Variants in HNF1A observed in about 807,000 individuals in gnomAD.
HNF1A encodes HNF1 homeobox A.
HNF1A carries 21 observed loss-of-function variants against 62.2 expected under a neutral mutation model. That is an observed-to-expected ratio of 0.34 (90% CI 0.24 to 0.49). HNF1A has a LOEUF of 0.49. Among genes scored for constraint, HNF1A ranks in the 20% least tolerant of loss-of-function variants. The pLI, the probability that HNF1A is intolerant of heterozygous loss-of-function variation, is 0.99. For synonymous variants in HNF1A, 374 were observed against 366.8 expected, an observed-to-expected ratio of 1.02 and a Z score of -0.22; for missense variants, 687 against 832.3, an observed-to-expected ratio of 0.83 and a Z score of 2.15.
At chr12:120,999,170 T>A in intron 7 of HNF1A, 98 bp from the exon 8 acceptor site, 1 of 1,446,100 alleles carries the variant, frequency 6.9e-7, no homozygotes, top group Non-Finnish European at 9.7e-7. Context: ...GTCTGGCTGT[T>A]CAGCAGGCCC....
chr12:120,981,665 C>T lies in HNF1A; in HGVS notation c.326+2571C>T, dbSNP rs575544559. Reference sequence around the variant, plus strand: ...CAGATCTTCCCATGGCCGATTCCTTCTCCTTCAGCTCCCTGATTGCTCCAT... The same window carrying T: ...CAGATCTTCCCATGGCCGATTCCTTTTCCTTCAGCTCCCTGATTGCTCCAT... On this transcript the variant is annotated intron_variant, in intron 1 of 9. Coordinates refer to ENST00000257555, the MANE Select transcript of HNF1A (RefSeq NM_000545.8). 2.6e-5 allele frequency among the ~76,000 whole-genome samples: 4 copies of T among 152,324 alleles called. No individual in the cohort carries two copies. The South Asian group carries it at 8.3e-4, about 32-fold the overall frequency.
At chr12:120,987,598 ATAT>A (rs1385856126) in intron 1 of HNF1A, among the ~76,000 whole-genome samples, 6 of 150,650 alleles carry the variant, frequency 4.0e-5, no homozygotes, top group Non-Finnish European at 8.9e-5. Flanking sequence ...AAATATATAT[ATAT>A]ATATATACAC....
At chr12:120,980,553 T>C (rs1169287) in intron 1 of HNF1A, 142,948 of 152,026 alleles carry the variant, frequency 0.94, 67,560 homozygotes, top group East Asian at 1. Flanking sequence ...GAAGGCAACC[T>C]GACGGGGTGG....
At chr12:120,995,082 A>G (rs1400810949) in intron 4 of HNF1A, among the ~76,000 whole-genome samples, 1 of 145,834 alleles carries the variant, frequency 6.9e-6, no homozygotes, top group African/African-American at 2.6e-5. Context: ...TACTACATTC[A>G]ACTCCACTCC....
chr12:120,995,605 C>T (rs1297299532), intron 4 of HNF1A, among the ~76,000 whole-genome samples: 3 of 151,852 alleles, frequency 2.0e-5, no homozygotes, highest in Non-Finnish European at 4.4e-5. Flanking sequence ...CACTCCAACC[C>T]ACTCACTCCA....
Position 121,001,080 on chromosome 12 carries a change from TG to T in HNF1A, c.1786del (p.Val596CysfsTer64), listed in dbSNP as rs2135854461. 1 of 1,613,618 alleles carries T rather than the reference TG, an allele frequency of 6.2e-7. No homozygotes were observed. The highest frequency in any genetic ancestry group is 8.5e-7 in the Non-Finnish European group (1 of 1,179,878). On this transcript the variant is annotated frameshift_variant, in exon 10 of 10. Coordinates refer to ENST00000257555, the MANE Select transcript of HNF1A (RefSeq NM_000545.8). LOFTEE classifies it high-confidence loss of function. ...SASPTVSSSS[L>X]VLYQSSDSSN... ...GCCTCTGCAGTGTCCTCCAGCAGCC[TG>T]GTGCTGTACCAGAGCTCAGACTCCA...
chr12:120,997,157 G>A, intron 6 of HNF1A: 1 of 1,410,334 alleles, frequency 7.1e-7, no homozygotes, highest in South Asian at 1.5e-5. Context: ...GAGGGGAGCA[G>A]AGAACTGACC....
At position 121,001,385 on chromosome 12, in the gene HNF1A, C is replaced by T. The variant is rs972789249; in HGVS notation, c.*193C>T. 2.2e-5 allele frequency: 15 copies of T among 672,044 alleles called. No homozygotes were observed. Among genetic ancestry groups the T allele is most frequent in the South Asian group, 5.5e-5 (3 of 54,150 alleles). The allele number at this position is 672,044 out of a possible 1,614,324, so 41.6% of individuals were successfully genotyped here. A position where few individuals can be genotyped will look rare whatever the true frequency, so the allele number is the denominator to read the frequency against. ...GGCGCCCCAACCCGTGGAGGCTGCT[C>T]GGGGTGCACAGGAGGGGGTCGTGGA... is the stretch of plus-strand genomic sequence containing the variant. On this transcript the variant is annotated 3_prime_UTR_variant, in exon 10 of 10. Transcript: ENST00000257555.
chr12:120,981,045 G>A (rs1354700439), intron 1 of HNF1A: 1 of 152,198 alleles, frequency 6.6e-6, no homozygotes, highest in Non-Finnish European at 1.5e-5. Flanking sequence ...TTCCTGCAGA[G>A]TTTATAACTA....
At chr12:120,980,306 G>A (rs746517751) in intron 1 of HNF1A, among the ~76,000 whole-genome samples, 67 of 151,950 alleles carry the variant, frequency 4.4e-4, no homozygotes, top group Non-Finnish European at 7.4e-4. Flanking sequence ...GAGAGAGACC[G>A]AGCCCCAAAG....
Position 120,996,333 on chromosome 12 carries a change from A to G in HNF1A, c.1027A>G (p.Thr343Ala). 1 of 1,614,138 alleles carries G rather than the reference A, an allele frequency of 6.2e-7. No individual in the cohort carries two copies. Among genetic ancestry groups the G allele is most frequent in the Non-Finnish European group, 8.5e-7 (1 of 1,180,024 alleles). Reference sequence around the variant, plus strand: ...CTCAAGCAGCGGCGGTCCCTTAGTGACAGTGTCTACACCCCTCCACCAAGT... The same window carrying G: ...CTCAAGCAGCGGCGGTCCCTTAGTGGCAGTGTCTACACCCCTCCACCAAGT... ...VPSSSGGPLV[T>A]VSTPLHQVSP... Residue 343 changes from threonine to alanine, a missense_variant, in exon 5 of 10, where the codon ACA becomes GCA. Physicochemically the swap from Thr to Ala is moderately conservative, Grantham distance 58 (BLOSUM62 0). Coordinates refer to ENST00000257555, the MANE Select transcript of HNF1A (RefSeq NM_000545.8). The surrounding 1 kb of genome is among the most constrained non-coding windows in gnomAD (Gnocchi z 4.5).
chr12:120,986,712 C>T (rs919325618), intron 1 of HNF1A, among the ~76,000 whole-genome samples: 3 of 152,036 alleles, frequency 2.0e-5, no homozygotes, highest in Admixed American at 6.6e-5. Context: ...CCCGAGTAGC[C>T]GGGATTACAG....
In HNF1A at chr12:120,984,612, A is replaced by G. The variant is rs1343384901; in HGVS notation, c.327-4221A>G. ...ATAAACATGTTTGCCACAGAGCACC[A>G]GGCTGGACTTTGTACTGCCCTTCCT... On this transcript the variant is annotated intron_variant, in intron 1 of 9. Transcript: ENST00000257555. Among the ~76,000 whole-genome samples, 5 of 151,928 alleles carry G rather than the reference A, an allele frequency of 3.3e-5. No individual in the cohort carries two copies. In the East Asian group the frequency reaches 9.7e-4, roughly 29 times the overall value.
rs202180554 is a variant in HNF1A at position 120,978,993 on chromosome 12, C to G, written c.225C>G (p.Asp75Glu). 6.2e-7 allele frequency: 1 copy of G among 1,608,788 alleles called. No homozygotes were observed. Among genetic ancestry groups the G allele is most frequent in the African/African-American group, 1.3e-5 (1 of 74,950 alleles). The change falls in exon 1 of 10, where the codon GAC (aspartate) becomes GAG (glutamate). Residue 75 changes from aspartate to glutamate, a missense_variant. By Grantham distance (45) the Asp-to-Glu change is conservative. Coordinates refer to ENST00000257555, the MANE Select transcript of HNF1A (RefSeq NM_000545.8). ...GETRGSEDET[D>E]DDGEDFTPPI... ...CTCGGGGCTCCGAGGACGAGACGGA[C>G]GACGATGGGGAAGACTTCACGCCAC...
At chr12:120,997,404 C>T in intron 6 of HNF1A, 70 bp from the exon 7 acceptor site, 1 of 1,490,240 alleles carries the variant, frequency 6.7e-7, no homozygotes, top group Non-Finnish European at 9.0e-7. Flanking sequence ...AGGTGGTGCC[C>T]TTGGGAGGTC....
At chr12:120,991,037 G>A (rs1292174878) in intron 2 of HNF1A, among the ~76,000 whole-genome samples, 2 of 152,180 alleles carry the variant, frequency 1.3e-5, no homozygotes, top group African/African-American at 4.8e-5. Flanking sequence ...GCTGCTGGCT[G>A]TTATTTGTTT....
Position 121,001,901 on chromosome 12 carries a change from TG to T in HNF1A, c.*710del. 2.0e-6 allele frequency: 1 copy of T among 512,548 alleles called. No homozygotes were observed. The highest frequency in any genetic ancestry group is 3.8e-6 in the Non-Finnish European group (1 of 263,700). 31.8% of individuals were successfully genotyped at this position (512,548 alleles called of 1,614,324 possible). ...CAGGCCCCATGACCTCCAGCTTTCCTGTATTTGTTCCCAAGAGCATCATGCC... is the reference window on the plus strand; with the variant it reads ...CAGGCCCCATGACCTCCAGCTTTCCTTATTTGTTCCCAAGAGCATCATGCC... On this transcript the variant is annotated 3_prime_UTR_variant, in exon 10 of 10. Coordinates refer to ENST00000257555, the MANE Select transcript of HNF1A (RefSeq NM_000545.8).
chr12:120,991,287 ACT>A (rs751546214), intron 2 of HNF1A, among the ~76,000 whole-genome samples: 11 of 151,930 alleles, frequency 7.2e-5, no homozygotes, highest in Non-Finnish European at 1.0e-4. Flanking sequence ...AGTAAAAATC[ACT>A]GTTGAAAAAA....
At chr12:120,988,265 C>A (rs560178203) in intron 1 of HNF1A, among the ~76,000 whole-genome samples, 1 of 145,330 alleles carries the variant, frequency 6.9e-6, no homozygotes, top group African/African-American at 2.5e-5. Context: ...TCCATCCACC[C>A]ACCCACCCAC....
Sources: gnomAD v4.1 joint callset for allele counts (sites outside exome capture counted in the v4.1 genomes callset) on GRCh38, gnomAD v4.1.1 for gene constraint, Gnocchi (gnomAD v3.1) non-coding constraint, MANE v1.5 for transcripts, NCBI Gene and HGNC (gene_info 2026-07-23, HGNC 2026-07-21) for gene names.